SLC2A9: variants seen among roughly 807,000 people sequenced by gnomAD.
SLC2A9 encodes solute carrier family 2 member 9.
A neutral mutation model predicts 50.6 loss-of-function variants in SLC2A9; 39 were observed. The observed-to-expected ratio is 0.77, with a 90% CI of 0.60 to 1.01. SLC2A9 has a LOEUF of 1.01. Among genes scored for constraint, SLC2A9 ranks in the 50% least tolerant of loss-of-function variants. The probability of loss-of-function intolerance (pLI) is 0.00; values close to 1 mark genes in which losing one functional copy is unlikely to be tolerated. For synonymous variants in SLC2A9, 324 were observed against 276.9 expected (o/e 1.17, Z -1.69); for missense variants, 686 against 677.6 (o/e 1.01, Z -0.14).
chr4:9,778,938 T>C (rs1036654674), downstream of SLC2A9, among the ~76,000 whole-genome samples: 2 of 151,930 alleles, frequency 1.3e-5, no homozygotes, highest in African/African-American at 4.8e-5. Context: ...TAGGTAAGTT[T>C]TGTATTTTTA....
intron 3 of SLC2A9, among the ~76,000 whole-genome samples, chr4:9,815,472 C>T (rs529929456): frequency 2.9e-4 from 44 of 152,344 alleles, no homozygotes; most frequent in African/African-American, 1.0e-3. Flanking sequence ...CAGAGGTAGG[C>T]AGATCACAGC....
intron 5 of SLC2A9, among the ~76,000 whole-genome samples, chr4:9,977,539 C>A (rs1754996383): frequency 6.7e-6 from 1 of 148,612 alleles, no homozygotes. Context: ...CTCCCTCTCC[C>A]TCTCCCCCTC....
intron 10 of SLC2A9, among the ~76,000 whole-genome samples, chr4:9,843,175 G>A (rs1728375086): frequency 6.6e-6 from 1 of 152,076 alleles, no homozygotes; most frequent in African/African-American, 2.4e-5. Flanking sequence ...AGCCACATAC[G>A]GGAGCAGTTG....
chr4:9,920,720 C>T, intron 6 of SLC2A9, 148 bp from the exon 7 acceptor site: 1 of 851,962 alleles, frequency 1.2e-6, no homozygotes, highest in South Asian at 1.6e-5. Flanking sequence ...ACTATGGAGT[C>T]CAAAGCCCTT....
chr4:9,782,848 G>C (rs776553499), intron 3 of SLC2A9: 6 of 1,612,600 alleles, frequency 3.7e-6, no homozygotes, highest in Non-Finnish European at 5.1e-6. Flanking sequence ...AGAGCTGCCG[G>C]AGCAGCGCAG....
chr4:9,934,729 G>C (rs962726312), intron 6 of SLC2A9, among the ~76,000 whole-genome samples: 3 of 152,142 alleles, frequency 2.0e-5, no homozygotes, highest in Non-Finnish European at 2.9e-5. Context: ...CTGCCATGGC[G>C]GTTTGCTGTA....
chr4:10,003,659 C>T (rs1344442946), intron 2 of SLC2A9, among the ~76,000 whole-genome samples: 1 of 152,202 alleles, frequency 6.6e-6, no homozygotes, highest in Non-Finnish European at 1.5e-5. Context: ...AAGGCTGAAG[C>T]CAGTGATGAA....
chr4:10,018,054 C>G (rs28449404), intron 2 of SLC2A9, among the ~76,000 whole-genome samples: 49,025 of 152,116 alleles, frequency 0.32, 9,194 homozygotes, highest in African/African-American at 0.51. Flanking sequence ...AGGTCAAAGC[C>G]AAAGCCAGCA....
chr4:9,774,287 C>G (rs962225449), intron 1 of SLC2A9, among the ~76,000 whole-genome samples: 2 of 152,162 alleles, frequency 1.3e-5, no homozygotes, highest in Admixed American at 1.3e-4. Flanking sequence ...GCCACCACAT[C>G]TGGCCAAAAA....
chr4:10,012,976 C>CT (rs1360287977), intron 2 of SLC2A9, among the ~76,000 whole-genome samples: 1 of 152,062 alleles, frequency 6.6e-6, no homozygotes, highest in Non-Finnish European at 1.5e-5. Flanking sequence ...TCCCTTTGGC[C>CT]TTTGGGTGGA....
chr4:9,937,241 C>G (rs1052469224), intron 6 of SLC2A9, among the ~76,000 whole-genome samples: 2 of 152,176 alleles, frequency 1.3e-5, no homozygotes, highest in African/African-American at 4.8e-5. Context: ...TTTCTAGGAA[C>G]GACTTCGTGC....
At chr4:10,022,764 A>G (rs1029892566), upstream of SLC2A9, among the ~76,000 whole-genome samples, 1 of 152,218 alleles carries the variant, frequency 6.6e-6, no homozygotes, top group African/African-American at 2.4e-5. Flanking sequence ...GGAACCTGGA[A>G]TGTGAAACGC....
chr4:9,977,276 C>G (rs900586859), intron 5 of SLC2A9, among the ~76,000 whole-genome samples: 2 of 152,030 alleles, frequency 1.3e-5, no homozygotes, highest in African/African-American at 2.4e-5. Flanking sequence ...ACAGGTGGGA[C>G]GTTTTTTGTT....
In SLC2A9 at chr4:9,918,100, T is replaced by G. The variant is rs140338772; in HGVS notation, c.1002+2285A>C. On this transcript the variant is annotated intron_variant, in intron 7 of 11. Transcript: ENST00000264784. Reference sequence around the variant, plus strand: ...AAAATGGGGACAATACCACTTACCCTGTGGGGCTGTTTGGGGCTTGAATAA... The same window carrying G: ...AAAATGGGGACAATACCACTTACCCGGTGGGGCTGTTTGGGGCTTGAATAA... 4.7e-3 allele frequency among the ~76,000 whole-genome samples: 721 copies of G among 152,158 alleles called. 8 individuals carry two copies. The highest frequency in any genetic ancestry group is 0.017 in the African/African-American group (699 of 41,512).
intron 3 of SLC2A9, among the ~76,000 whole-genome samples, chr4:9,813,378 T>C (rs1316108794): frequency 6.6e-6 from 1 of 152,208 alleles, no homozygotes; most frequent in Non-Finnish European, 1.5e-5. Flanking sequence ...CAGCCCTTGG[T>C]CTTGTATTTC....
At chr4:9,870,978 G>T (rs1402393933) in intron 10 of SLC2A9, among the ~76,000 whole-genome samples, 2 of 152,158 alleles carry the variant, frequency 1.3e-5, no homozygotes, top group African/African-American at 4.8e-5. Context: ...GTACATTGGT[G>T]TAATCTTAGC....
chr4:9,838,195 G>C (rs992720503), intron 10 of SLC2A9, among the ~76,000 whole-genome samples: 4 of 152,120 alleles, frequency 2.6e-5, no homozygotes, highest in African/African-American at 9.7e-5. Context: ...AGGTTTCTTA[G>C]CAAGAAGTGA....
intron 10 of SLC2A9, among the ~76,000 whole-genome samples, chr4:9,870,415 G>A (rs1733224081): frequency 6.6e-6 from 1 of 152,186 alleles, no homozygotes; most frequent in African/African-American, 2.4e-5. Flanking sequence ...CCTGACAGGT[G>A]TCACTGATTT....
chr4:9,921,267 A>G (rs904771194), intron 6 of SLC2A9, among the ~76,000 whole-genome samples: 2 of 152,182 alleles, frequency 1.3e-5, no homozygotes, highest in African/African-American at 4.8e-5. Flanking sequence ...TCCATGTTGA[A>G]CACTGCAAAC....
Sources: gnomAD v4.1 joint callset for allele counts (sites outside exome capture counted in the v4.1 genomes callset) on GRCh38, gnomAD v4.1.1 for gene constraint, MANE v1.5 for transcripts, NCBI Gene and HGNC (gene_info 2026-07-23, HGNC 2026-07-21) for gene names.